CNTN1: variants seen among roughly 807,000 people sequenced by gnomAD.
The protein encoded by CNTN1 is contactin-1.
In CNTN1, 38 loss-of-function variants were observed where a neutral mutation model predicts 126.4. The observed-to-expected ratio is 0.30, with a 90% CI of 0.23 to 0.39. The LOEUF is 0.39. Ranked by LOEUF, CNTN1 falls within the 10% of genes least tolerant of loss-of-function variation. The pLI, the probability that CNTN1 is intolerant of heterozygous loss-of-function variation, is 1.00. For synonymous variants in CNTN1, 413 were observed against 422.6 expected (o/e 0.98, Z 0.28); for missense variants, 1,009 against 1,248.4 (o/e 0.81, Z 2.89).
intron 1 of CNTN1, among the ~76,000 whole-genome samples, chr12:40,752,093 G>A (rs1938425941): frequency 1.3e-5 from 2 of 151,594 alleles, no homozygotes; most frequent in African/African-American, 4.9e-5. Flanking sequence ...TTTTTTATGA[G>A]CCATTAACAA....
rs80350684 is a variant in CNTN1 at position 41,027,212 on chromosome 12, A to G, written c.2711-645A>G. ...TGCCTAGACAGAGAGACCTATAGCCACATATGTCTAGAGGTTGAAAGAGAG... is the reference window on the plus strand; with the variant it reads ...TGCCTAGACAGAGAGACCTATAGCCGCATATGTCTAGAGGTTGAAAGAGAG... On this transcript the variant is annotated intron_variant, in intron 21 of 23. Coordinates refer to ENST00000551295, the MANE Select transcript of CNTN1 (RefSeq NM_001843.4). 3.9e-5 allele frequency among the ~76,000 whole-genome samples: 6 copies of G among 152,222 alleles called. No homozygotes were observed. In the East Asian group the frequency reaches 9.6e-4, roughly 24 times the overall value.
Position 40,844,069 on chromosome 12 carries a change from A to ATTTTTTTTTT in CNTN1, c.-76-64281_-76-64272dup, listed in dbSNP as rs397957366. On this transcript the variant is annotated intron_variant, in intron 1 of 23. Coordinates refer to ENST00000551295, the MANE Select transcript of CNTN1 (RefSeq NM_001843.4). ...ATTGAAAAAATTCTTTGGCACAATG[A>ATTTTTTTTTT]TTTTTTTTTTTTTTTTGAGACGGAG... is the stretch of plus-strand genomic sequence containing the variant. 4.8e-4 allele frequency among the ~76,000 whole-genome samples: 41 copies of ATTTTTTTTTT among 84,644 alleles called. 8 individuals are homozygous for ATTTTTTTTTT. Among genetic ancestry groups the ATTTTTTTTTT allele is most frequent in the African/African-American group, 8.1e-4 (20 of 24,728 alleles). 55.5% of individuals were successfully genotyped at this position (84,644 alleles called of 152,430 possible).
chr12:40,851,650 A>C (rs1042332780), intron 1 of CNTN1, among the ~76,000 whole-genome samples: 2 of 152,172 alleles, frequency 1.3e-5, no homozygotes, highest in African/African-American at 4.8e-5. Context: ...CTGACCATGC[A>C]CAGTAAATTA....
At chr12:40,739,089 G>A (rs1354648772) in intron 1 of CNTN1, among the ~76,000 whole-genome samples, 1 of 152,178 alleles carries the variant, frequency 6.6e-6, no homozygotes. Context: ...TCTGGCATCA[G>A]TATGTTATAA....
intron 1 of CNTN1, among the ~76,000 whole-genome samples, chr12:40,842,717 C>T (rs904358982): frequency 3.3e-5 from 5 of 152,026 alleles, no homozygotes; most frequent in Non-Finnish European, 7.4e-5. Context: ...TTCCTAGTGT[C>T]TAGCACAGTG....
intron 1 of CNTN1, among the ~76,000 whole-genome samples, chr12:40,705,543 T>TA (rs1353128795): frequency 2.0e-5 from 3 of 152,036 alleles, no homozygotes; most frequent in African/African-American, 4.8e-5. Context: ...CTTTTTTTTT[T>TA]ATTATACTTT....
intron 22 of CNTN1, among the ~76,000 whole-genome samples, chr12:41,028,456 G>A (rs780427358): frequency 9.9e-5 from 15 of 152,154 alleles, no homozygotes; most frequent in Non-Finnish European, 2.2e-4. Flanking sequence ...TGTCAAAAGT[G>A]TAAGATAAGT....
chr12:40,806,166 C>A (rs994934564), intron 1 of CNTN1, among the ~76,000 whole-genome samples: 1 of 152,024 alleles, frequency 6.6e-6, no homozygotes, highest in Non-Finnish European at 1.5e-5. Context: ...TAAAGAGCTC[C>A]TGTGTGTCTA....
chr12:40,718,166 G>T (rs76285084), intron 1 of CNTN1, among the ~76,000 whole-genome samples: 30,647 of 151,768 alleles, frequency 0.2, 3,204 homozygotes, highest in Middle Eastern at 0.28. Flanking sequence ...TTCATGAAAG[G>T]TTTTTTGTTT....
intron 20 of CNTN1, among the ~76,000 whole-genome samples, chr12:41,021,783 A>G (rs1948918867): frequency 6.6e-6 from 1 of 152,142 alleles, no homozygotes; most frequent in African/African-American, 2.4e-5. Context: ...CCCAATATTC[A>G]TAACTTACTA....
At chr12:40,750,968 C>T (rs1379381494) in intron 1 of CNTN1, among the ~76,000 whole-genome samples, 1 of 151,940 alleles carries the variant, frequency 6.6e-6, no homozygotes, top group African/African-American at 2.4e-5. Flanking sequence ...AAGGTCATAA[C>T]TTGAAGAATT....
intron 1 of CNTN1, among the ~76,000 whole-genome samples, chr12:40,856,697 G>A (rs1942921029): frequency 6.6e-6 from 1 of 152,152 alleles, no homozygotes; most frequent in African/African-American, 2.4e-5. Flanking sequence ...GAATGTATGT[G>A]TAGTAGTAAG....
At chr12:41,045,712 C>T (rs1240800434) in intron 23 of CNTN1, among the ~76,000 whole-genome samples, 2 of 152,098 alleles carry the variant, frequency 1.3e-5, no homozygotes, top group African/African-American at 4.8e-5. Context: ...GTAGATTCTT[C>T]ACAGTATGAG....
At chr12:41,039,689 T>C (rs1480069582) in intron 23 of CNTN1, among the ~76,000 whole-genome samples, 3 of 152,048 alleles carry the variant, frequency 2.0e-5, no homozygotes, top group Non-Finnish European at 4.4e-5. Context: ...CATAATTATA[T>C]AACTTTATTT....
At chr12:40,751,511 AAGG>A (rs1206064147) in intron 1 of CNTN1, among the ~76,000 whole-genome samples, 1 of 152,066 alleles carries the variant, frequency 6.6e-6, no homozygotes, top group Non-Finnish European at 1.5e-5. Context: ...GAGAGAAATA[AAGG>A]AGGTGTCTCC....
At chr12:41,027,836 G>C (rs772547262) in intron 21 of CNTN1, 21 bp from the exon 22 acceptor site, 10 of 1,429,724 alleles carry the variant, frequency 7.0e-6, no homozygotes, top group Non-Finnish European at 9.9e-6. Flanking sequence ...ACCACTGATT[G>C]CATATTACTA....
intron 1 of CNTN1, among the ~76,000 whole-genome samples, chr12:40,768,725 C>G (rs1250067087): frequency 6.6e-6 from 1 of 150,772 alleles, no homozygotes; most frequent in Non-Finnish European, 1.5e-5. Flanking sequence ...ATTTTTACAA[C>G]AATGTTTTCA....
intron 23 of CNTN1, among the ~76,000 whole-genome samples, chr12:41,057,033 A>AT (rs1161710507): frequency 1.4e-5 from 1 of 69,432 alleles, no homozygotes; most frequent in East Asian, 3.1e-4. Context: ...ATTTATAAAT[A>AT]TTATAAATAT....
intron 1 of CNTN1, among the ~76,000 whole-genome samples, chr12:40,820,595 TG>T (rs1941412811): frequency 6.6e-6 from 1 of 152,144 alleles, no homozygotes; most frequent in Non-Finnish European, 1.5e-5. Flanking sequence ...TTCTAGAGTT[TG>T]GTGGGGTTTG....
Sources: gnomAD v4.1 joint callset for allele counts (sites outside exome capture counted in the v4.1 genomes callset) on GRCh38, gnomAD v4.1.1 for gene constraint, MANE v1.5 for transcripts, NCBI Gene and HGNC (gene_info 2026-07-23, HGNC 2026-07-21) for gene names.